The following PLCH2 variants were observed in gnomAD, a reference collection of about 807,000 sequenced individuals.
PLCH2 encodes 1-phosphatidylinositol 4,5-bisphosphate phosphodiesterase eta-2.
Under a neutral mutation model 134.7 loss-of-function variants are expected in PLCH2, and 98 were observed. The observed-to-expected ratio is 0.73, with a 90% CI of 0.62 to 0.86. The LOEUF (loss-of-function observed/expected upper bound fraction) is 0.86, where lower values mean the gene tolerates loss of function less well. PLCH2 is among the 40% of genes least tolerant of loss of function. The probability of loss-of-function intolerance (pLI) is 0.00; values close to 1 mark genes in which losing one functional copy is unlikely to be tolerated. For missense variants in PLCH2, 1,994 were observed against 1,986.6 expected (o/e 1.00, Z -0.07); for synonymous variants, 974 against 827.5 (o/e 1.18, Z -3.04).
At chr1:2,501,191 AG>A (rs1300602609) in intron 20 of PLCH2, 1 of 152,000 alleles carries the variant, frequency 6.6e-6, no homozygotes, top group Non-Finnish European at 1.5e-5. Flanking sequence ...GCGCCCCTGC[AG>A]GGGGGTGACC....
At chr1:2,437,078 T>C (rs184625793) in intron 2 of PLCH2, among the ~76,000 whole-genome samples, 1 of 152,192 alleles carries the variant, frequency 6.6e-6, no homozygotes. Context: ...TCTCGCCTTC[T>C]GTGGGGCAGG....
Position 2,444,397 on chromosome 1 carries a change from G to C in PLCH2, c.115+13768G>C, listed in dbSNP as rs1055040906. On this transcript the variant is annotated intron_variant, in intron 2 of 3. Coordinates refer to the PLCH2 transcript ENST00000609981. The surrounding 1 kb of genome is among the most constrained non-coding windows in gnomAD (Gnocchi z 4.6). ...GCCGCATGGCACATCTGCCTGGGCT[G>C]CAGGTGCTCATCTGGGGGGAGCCGG... 8.5e-5 allele frequency among the ~76,000 whole-genome samples: 13 copies of C among 152,226 alleles called. No individual in the cohort carries two copies. The highest frequency in any genetic ancestry group is 3.1e-4 in the African/African-American group (13 of 41,458).
rs1276107233 is a variant in PLCH2 at position 2,499,623 on chromosome 1, T to TGAC, written c.2582-17_2582-15dup. 2.5e-6 allele frequency: 4 copies of TGAC among 1,584,252 alleles called. No homozygotes were observed. The highest frequency in any genetic ancestry group is 1.8e-5 in the Admixed American group (1 of 56,796). On this transcript the variant is annotated splice_polypyrimidine_tract_variant and intron_variant, in intron 19 of 21. Coordinates refer to ENST00000378486, the MANE Select transcript of PLCH2 (RefSeq NM_014638.4). Reference sequence around the variant, plus strand: ...GGAGGCTGTGACCTCATGACCCTGCTGACCCACACTGCTCCAGGCTACAGA... The same window carrying TGAC: ...GGAGGCTGTGACCTCATGACCCTGCTGACGACCCACACTGCTCCAGGCTACAGA...
In PLCH2 at chr1:2,478,587, G is replaced by A. The variant is rs774672025; in HGVS notation, c.236G>A (p.Arg79His). ...YYLDEHRSCI[R>H]WRPSRKNEKA... ...CTGGACGAGCACCGCTCCTGCATCC[G>A]CTGGAGGCCCTCACGCAAGAACGAG... The change falls in exon 2 of 22, where the codon CGC becomes CAC. Residue 79 changes from arginine to histidine, a missense_variant. By Grantham distance (29) the Arg-to-His change is conservative (BLOSUM62 0). Transcript: ENST00000378486. The A allele has an allele frequency of 6.8e-6, 11 of 1,611,770 alleles. No individual in the cohort carries two copies. Among genetic ancestry groups the A allele is most frequent in the Admixed American group, 1.7e-5 (1 of 59,828 alleles).
At position 2,496,622 on chromosome 1, in the gene PLCH2, G is replaced by A. The variant is rs563968525; in HGVS notation, c.1851G>A (p.Lys617=). 13 of 1,611,672 alleles carry A rather than the reference G, an allele frequency of 8.1e-6. No individual in the cohort carries two copies. The African/African-American group carries it at 1.2e-4, about 15-fold the overall frequency. Residue 617 remains lysine, a synonymous_variant, in exon 14 of 22, where the codon AAG becomes AAA. Coordinates refer to ENST00000378486, the MANE Select transcript of PLCH2 (RefSeq NM_014638.4). ...GGQSRGATRQ[K]KTMKLSRALS... ...CCTGCCACAGGGCGACCCGGCAGAA[G>A]AAGACCATGAAGCTGTCCCGGGCCC...
At chr1:2,416,720 C>A in the PLCH2 span, among the ~76,000 whole-genome samples, 1 of 152,212 alleles carries the variant, frequency 6.6e-6, no homozygotes, top group Admixed American at 6.5e-5. Context: ...GAAACAGTGC[C>A]TGGGCCAGGG....
chr1:2,440,946 T>A (rs1172743228), intron 2 of PLCH2, among the ~76,000 whole-genome samples: 2 of 152,122 alleles, frequency 1.3e-5, no homozygotes, highest in Non-Finnish European at 2.9e-5. Context: ...GCCACTGAGC[T>A]CCACAACTGC....
chr1:2,478,322 T>C (rs1641750096), intron 1 of PLCH2, among the ~76,000 whole-genome samples, 154 bp from the exon 2 acceptor site: 1 of 151,992 alleles, frequency 6.6e-6, no homozygotes, highest in African/African-American at 2.4e-5. Context: ...GGCAGGGCGG[T>C]GTGGGCGGGG....
chr1:2,430,876 CAG>C (rs1639036129), intron 2 of PLCH2, among the ~76,000 whole-genome samples: 1 of 152,148 alleles, frequency 6.6e-6, no homozygotes, highest in African/African-American at 2.4e-5. Flanking sequence ...TTCGTGTGGG[CAG>C]AGAGGGGGTG....
chr1:2,502,692 A>G (rs1024655316), intron 21 of PLCH2: 11 of 705,764 alleles, frequency 1.6e-5, no homozygotes, highest in Middle Eastern at 2.3e-4. Flanking sequence ...AGAAGCAGAG[A>G]GGCCCCCAAG....
At chr1:2,495,647 C>T in intron 13 of PLCH2, 77 bp downstream of exon 13, 1 of 985,776 alleles carries the variant, frequency 1.0e-6, no homozygotes, top group Non-Finnish European at 1.5e-6. Flanking sequence ...CTGCGGTGAC[C>T]CCACCAGGAC....
chr1:2,469,360 G>A (rs1189413420), intron 1 of PLCH2, among the ~76,000 whole-genome samples: 4 of 152,316 alleles, frequency 2.6e-5, no homozygotes, highest in East Asian at 1.9e-4. Context: ...CCCACCCTCC[G>A]TGCCTGCGTC....
chr1:2,418,963 C>T, the PLCH2 span, among the ~76,000 whole-genome samples: 1 of 152,240 alleles, frequency 6.6e-6, no homozygotes, highest in Non-Finnish European at 1.5e-5. Flanking sequence ...TTCTTCCTAC[C>T]ACTCCCCTAC....
intron 1 of PLCH2, among the ~76,000 whole-genome samples, chr1:2,427,971 G>A (rs1027978001): frequency 3.9e-5 from 6 of 152,168 alleles, no homozygotes; most frequent in East Asian, 1.9e-4. Flanking sequence ...CGGGGGCTTC[G>A]AGGGCAGAGG....
At chr1:2,464,964 C>T (rs1406940097), upstream of PLCH2, among the ~76,000 whole-genome samples, 3 of 152,164 alleles carry the variant, frequency 2.0e-5, no homozygotes, top group East Asian at 5.8e-4. Context: ...GGCCCTGAGG[C>T]TGGGCTTGGT....
chr1:2,444,811 TC>T lies in PLCH2; in HGVS notation c.115+14186del, dbSNP rs1250851707. Among the ~76,000 whole-genome samples, 1 of 151,812 alleles carries T rather than the reference TC, an allele frequency of 6.6e-6. No homozygotes were observed. The highest frequency in any genetic ancestry group is 1.5e-5 in the Non-Finnish European group (1 of 67,966). On this transcript the variant is annotated intron_variant, in intron 2 of 3. Coordinates refer to the PLCH2 transcript ENST00000609981. This position sits in a 1 kb window ranked among gnomAD's most constrained non-coding sequence, Gnocchi z 4.6. ...TCCAGGAGAATGGACCCGATCGGTG[TC>T]CCCTTCGTCCCCTGACACGTTGGTC...
intron 5 of PLCH2, among the ~76,000 whole-genome samples, chr1:2,486,038 C>T (rs1642267281): frequency 6.6e-6 from 1 of 152,180 alleles, no homozygotes; most frequent in African/African-American, 2.4e-5. Flanking sequence ...ACCCCACTGT[C>T]TCGGATGCCC....
chr1:2,476,609 C>T lies in PLCH2; in HGVS notation c.21C>T (p.Ser7=), dbSNP rs567127240. 2.5e-6 allele frequency: 4 copies of T among 1,584,146 alleles called. No individual in the cohort carries two copies. The highest frequency in any genetic ancestry group is 2.7e-5 in the African/African-American group (2 of 74,528). ...AGGCCATGTCTGGTCCATGGCCCTC[C>T]CCCGACAGCCGGACCAAGGGAACGG... MSGPWP[S]PDSRTKGTVA... is the part of the protein sequence containing the mutation. Residue 7 remains serine, a synonymous_variant, in exon 1 of 22, where the codon TCC becomes TCT. Transcript: ENST00000378486.
At chr1:2,432,989 TG>T (rs1371176250) in intron 2 of PLCH2, among the ~76,000 whole-genome samples, 2 of 152,216 alleles carry the variant, frequency 1.3e-5, no homozygotes, top group African/African-American at 4.8e-5. Flanking sequence ...CCAGTGCCCA[TG>T]GCTGAGCTTC....
Sources: allele counts gnomAD v4.1 joint callset (sites outside exome capture counted in the v4.1 genomes callset), GRCh38; gene constraint gnomAD v4.1.1; non-coding constraint Gnocchi (gnomAD v3.1); transcripts MANE v1.5; gene names NCBI Gene and HGNC (gene_info 2026-07-23, HGNC 2026-07-21).